ROCK1: variants seen among roughly 807,000 people sequenced by gnomAD.
ROCK1 encodes Rho associated coiled-coil containing protein kinase 1.
A neutral mutation model predicts 196.8 loss-of-function variants in ROCK1; 36 were observed. That is an observed-to-expected ratio of 0.18 (90% CI 0.14 to 0.24). ROCK1 has a LOEUF of 0.24. ROCK1 is among the 10% of genes least tolerant of loss of function. The probability of loss-of-function intolerance (pLI) is 1.00; values close to 1 mark genes in which losing one functional copy is unlikely to be tolerated. For missense variants in ROCK1, 920 were observed against 1,562.0 expected (o/e 0.59, Z 6.93); for synonymous variants, 443 against 515.9 (o/e 0.86, Z 1.91).
intron 8 of ROCK1, among the ~76,000 whole-genome samples, chr18:21,040,520 T>C (rs2036096143): frequency 6.6e-6 from 1 of 152,176 alleles, no homozygotes; most frequent in Admixed American, 6.5e-5. Flanking sequence ...CCTAGTACAG[T>C]GCTTATAAAT....
chr18:21,046,556 T>C (rs112906008), intron 4 of ROCK1, among the ~76,000 whole-genome samples: 43 of 152,180 alleles, frequency 2.8e-4, no homozygotes, highest in African/African-American at 9.4e-4. Flanking sequence ...AACACAGAAG[T>C]AGGAGGAAGG....
At chr18:21,051,412 C>T (rs2036202888) in intron 2 of ROCK1, among the ~76,000 whole-genome samples, 2 of 152,228 alleles carry the variant, frequency 1.3e-5, no homozygotes, top group Admixed American at 6.5e-5. Context: ...CAAGATCACA[C>T]CAGTGCACTC....
At chr18:21,017,481 C>T (rs2143457147) in intron 12 of ROCK1, among the ~76,000 whole-genome samples, 1 of 151,872 alleles carries the variant, frequency 6.6e-6, no homozygotes, top group South Asian at 2.1e-4. Context: ...TGAGCCACCG[C>T]ACCTGGCCTA....
At chr18:21,095,820 A>G (rs923125758) in intron 1 of ROCK1, among the ~76,000 whole-genome samples, 2 of 152,120 alleles carry the variant, frequency 1.3e-5, no homozygotes, top group African/African-American at 2.4e-5. Context: ...ATTTAATCAT[A>G]TATTTTTAAA....
chr18:21,094,655 G>A (rs185250561), intron 1 of ROCK1, among the ~76,000 whole-genome samples: 6 of 151,756 alleles, frequency 4.0e-5, no homozygotes, highest in African/African-American at 1.2e-4. Flanking sequence ...AGGCTGAGGT[G>A]AGAGAATCAT....
chr18:21,100,150 GAA>G (rs557069271), intron 1 of ROCK1, among the ~76,000 whole-genome samples: 5 of 127,760 alleles, frequency 3.9e-5, no homozygotes, highest in African/African-American at 1.4e-4. Flanking sequence ...TGGAAAAAAA[GAA>G]AAAAAAAAAA....
chr18:20,984,639 C>T (rs1276658465), intron 19 of ROCK1, 104 bp from the exon 20 acceptor site: 1 of 781,416 alleles, frequency 1.3e-6, no homozygotes, highest in Admixed American at 3.1e-5. Context: ...ATTCATGGTA[C>T]TAGTAGAAAA....
Position 21,042,549 on chromosome 18 carries a change from A to G in ROCK1, c.820+16T>C, listed in dbSNP as rs1389306375. 1 of 1,612,040 alleles carries G rather than the reference A, an allele frequency of 6.2e-7. No homozygotes were observed. The highest frequency in any genetic ancestry group is 8.5e-7 in the Non-Finnish European group (1 of 1,179,066). ...GAACAACTGTAATAGAGAGACATAA[A>G]ATCTTCCTTACTCACCTACAAGCAT... On this transcript the variant is annotated intron_variant, in intron 7 of 32. Transcript: ENST00000399799.
intron 10 of ROCK1, among the ~76,000 whole-genome samples, chr18:21,024,601 A>T (rs960028977): frequency 1.3e-5 from 2 of 152,216 alleles, no homozygotes; most frequent in Admixed American, 6.5e-5. Flanking sequence ...GCATGTGTTA[A>T]CACACCAGAT....
intron 22 of ROCK1, among the ~76,000 whole-genome samples, chr18:20,977,514 G>C (rs2143379405): frequency 6.6e-6 from 1 of 152,242 alleles, no homozygotes; most frequent in Non-Finnish European, 1.5e-5. Flanking sequence ...GGTAAGATGA[G>C]GTATCCTTTG....
intron 16 of ROCK1, among the ~76,000 whole-genome samples, chr18:21,001,056 C>G (rs1598523424): frequency 6.6e-6 from 1 of 152,186 alleles, no homozygotes; most frequent in East Asian, 1.9e-4. Context: ...AATGGCTAAG[C>G]AAAATGTGGT....
chr18:21,072,451 T>C (rs1309844879), intron 1 of ROCK1, among the ~76,000 whole-genome samples: 1 of 152,220 alleles, frequency 6.6e-6, no homozygotes, highest in Non-Finnish European at 1.5e-5. Flanking sequence ...CAGGCTTCCA[T>C]TTTAATGCAG....
chr18:21,080,059 C>T (rs1179078591), intron 1 of ROCK1, among the ~76,000 whole-genome samples: 1 of 152,156 alleles, frequency 6.6e-6, no homozygotes, highest in East Asian at 1.9e-4. Context: ...TCCTTCCTTT[C>T]GGTATGTGAT....
intron 16 of ROCK1, among the ~76,000 whole-genome samples, chr18:20,996,256 T>A (rs1030959015): frequency 2.0e-5 from 3 of 151,314 alleles, no homozygotes; most frequent in Non-Finnish European, 4.4e-5. Flanking sequence ...AATTCCGGAG[T>A]TGAAAAATGC....
At position 20,954,791 on chromosome 18, in the gene ROCK1, G is replaced by C; in HGVS notation, c.3845C>G (p.Pro1282Arg). The change falls in exon 31 of 33, where the codon CCA becomes CGA. Residue 1282 changes from proline to arginine, a missense_variant. By Grantham distance (103) the Pro-to-Arg change is moderately radical. Transcript: ENST00000399799. ...TAATTACCATGCCTTACCTTTACATGGACAAATTAAGTCCTCTTTCTTATC... is the reference window on the plus strand; with the variant it reads ...TAATTACCATGCCTTACCTTTACATCGACAAATTAAGTCCTCTTTCTTATC... ...HLDKKEDLIC[P>R]CKVSYDVTSA... The C allele has an allele frequency of 6.2e-7, 1 of 1,604,254 alleles. No individual in the cohort carries two copies. The highest frequency in any genetic ancestry group is 8.5e-7 in the Non-Finnish European group (1 of 1,176,242).
chr18:20,967,175 T>C, intron 26 of ROCK1, 99 bp from the exon 27 acceptor site: 2 of 789,530 alleles, frequency 2.5e-6, no homozygotes, highest in Non-Finnish European at 4.1e-6. Context: ...ACTAAAAATG[T>C]ACAGTAAACT....
chr18:21,076,015 CAG>C (rs2036427663), intron 1 of ROCK1, among the ~76,000 whole-genome samples: 1 of 148,246 alleles, frequency 6.7e-6, no homozygotes, highest in Non-Finnish European at 1.5e-5. Flanking sequence ...GAGGAGGACA[CAG>C]AGAAGAAAGA....
chr18:21,014,312 T>C (rs2035844947), intron 13 of ROCK1, among the ~76,000 whole-genome samples: 1 of 152,170 alleles, frequency 6.6e-6, no homozygotes, highest in African/African-American at 2.4e-5. Context: ...TCATGTGTTG[T>C]TTCTCAGGAC....
intron 8 of ROCK1, among the ~76,000 whole-genome samples, chr18:21,040,740 T>G (rs2036098455): frequency 6.6e-6 from 1 of 152,190 alleles, no homozygotes; most frequent in Non-Finnish European, 1.5e-5. Flanking sequence ...CCCAAAGGAC[T>G]ATGAGGTATT....
Sources: allele counts gnomAD v4.1 joint callset (sites outside exome capture counted in the v4.1 genomes callset), GRCh38; gene constraint gnomAD v4.1.1; transcripts MANE v1.5; gene names NCBI Gene and HGNC (gene_info 2026-07-23, HGNC 2026-07-21).